Variants in RHEB observed in about 807,000 individuals in gnomAD.
RHEB encodes GTP-binding protein Rheb.
Under a neutral mutation model 28.8 loss-of-function variants are expected in RHEB, and 2 were observed. The observed-to-expected ratio is 0.07, with a 90% CI of 0.03 to 0.22. The LOEUF is 0.22. Ranked by LOEUF, RHEB falls within the 10% of genes least tolerant of loss-of-function variation. The pLI, the probability that RHEB is intolerant of heterozygous loss-of-function variation, is 1.00. For synonymous variants in RHEB, 69 were observed against 77.3 expected, an observed-to-expected ratio of 0.89 and a Z score of 0.56; for missense variants, 76 against 219.9, an observed-to-expected ratio of 0.35 and a Z score of 4.14.
intron 3 of RHEB, 132 bp downstream of exon 3, chr7:151,484,605 T>C (rs749977563): frequency 3.1e-5 from 20 of 640,272 alleles, no homozygotes; most frequent in South Asian, 1.4e-4. Flanking sequence ...AGCCAAACCA[T>C]TGGGAGTCAG....
rs575786438 is a variant in RHEB, at chr7:151,477,460, C to T, written c.193-45G>A. 2.8e-5 allele frequency: 32 copies of T among 1,125,352 alleles called. No homozygotes were observed. In the African/African-American group the frequency reaches 4.5e-4, roughly 16 times the overall value. The allele number at this position is 1,125,352 out of a possible 1,614,324, so 69.7% of individuals were successfully genotyped here. ...TCTTTGAGTAGTCTTCATATAGCAT[C>T]ACAAACAAACTTTACCCAAAGTTTT... On this transcript the variant is annotated intron_variant, in intron 3 of 7. Coordinates refer to ENST00000262187, the MANE Select transcript of RHEB (RefSeq NM_005614.4).
At chr7:151,480,951 G>A (rs990304729) in intron 3 of RHEB, among the ~76,000 whole-genome samples, 7 of 152,068 alleles carry the variant, frequency 4.6e-5, no homozygotes, top group Admixed American at 6.6e-5. Flanking sequence ...CCCAAAGTGC[G>A]GGGATTACAG....
chr7:151,487,096 G>C (rs1228468602), intron 2 of RHEB, among the ~76,000 whole-genome samples: 4 of 152,228 alleles, frequency 2.6e-5, no homozygotes, highest in Non-Finnish European at 4.4e-5. Context: ...TTGAGGCCTG[G>C]AGTTCAAGAC....
At position 151,467,363 on chromosome 7, in the gene RHEB, A is replaced by G. The variant is rs527268685; in HGVS notation, c.463-152T>C. Reference sequence around the variant, plus strand: ...AGCCCCAGAACTTCAGGGCCCCCCGACGCCCAGTAAGGCCACTGTCCACCC... The same window carrying G: ...AGCCCCAGAACTTCAGGGCCCCCCGGCGCCCAGTAAGGCCACTGTCCACCC... On this transcript the variant is annotated intron_variant, in intron 7 of 7. Coordinates refer to ENST00000262187, the MANE Select transcript of RHEB (RefSeq NM_005614.4). 60 of 632,432 alleles carry G rather than the reference A, an allele frequency of 9.5e-5. No individual in the cohort carries two copies. The African/African-American group carries it at 1.1e-3, about 11-fold the overall frequency. 39.2% of individuals were successfully genotyped at this position (632,432 alleles called of 1,614,324 possible). A position where few individuals can be genotyped will look rare whatever the true frequency, so the allele number is the denominator to read the frequency against.
Position 151,515,197 on chromosome 7 carries a change from T to C in RHEB, c.52+4263A>G, listed in dbSNP as rs958747417. On this transcript the variant is annotated intron_variant, in intron 1 of 7. Coordinates refer to ENST00000262187, the MANE Select transcript of RHEB (RefSeq NM_005614.4). ...GGAAGAAGCGACATATGCTACAACA[T>C]GAACGAACCTTGAAAACATTATACT... 2.6e-5 allele frequency among the ~76,000 whole-genome samples: 4 copies of C among 152,194 alleles called. No homozygotes were observed. In the East Asian group the frequency reaches 5.8e-4, roughly 22 times the overall value.
chr7:151,491,511 G>A (rs1370851069), intron 1 of RHEB, among the ~76,000 whole-genome samples: 2 of 152,162 alleles, frequency 1.3e-5, no homozygotes, highest in Non-Finnish European at 2.9e-5. Flanking sequence ...TGAGGCAGAC[G>A]GATCACCTGA....
Position 151,519,800 on chromosome 7 carries a change from C to A in RHEB, c.-289G>T, listed in dbSNP as rs1179866214. On this transcript the variant is annotated 5_prime_UTR_variant, in exon 1 of 8. Coordinates refer to ENST00000262187, the MANE Select transcript of RHEB (RefSeq NM_005614.4). The stretch of plus-strand genomic sequence containing the variant: ...CGCCCCCCGAAATACGCGGGGGGTG[C>A]GTCGGGGCGACGTTTTACTTTAAAG... 1 of 303,134 alleles carries A rather than the reference C, an allele frequency of 3.3e-6. No individual in the cohort carries two copies. Among genetic ancestry groups the A allele is most frequent in the African/African-American group, 2.2e-5 (1 of 45,580 alleles). The allele number at this position is 303,134 out of a possible 1,614,324, so 18.8% of individuals were successfully genotyped here.
At chr7:151,516,327 G>T (rs1180155734) in intron 1 of RHEB, among the ~76,000 whole-genome samples, 1 of 151,974 alleles carries the variant, frequency 6.6e-6, no homozygotes, top group Non-Finnish European at 1.5e-5. Context: ...AAAAGAAAAC[G>T]GAAAGCCAAG....
At chr7:151,495,857 G>A (rs1357479809) in intron 1 of RHEB, among the ~76,000 whole-genome samples, 5 of 152,226 alleles carry the variant, frequency 3.3e-5, no homozygotes, top group Non-Finnish European at 7.3e-5. Context: ...AGAAGCTGAT[G>A]TAGGAGGATC....
At chr7:151,497,909 G>A (rs1294678189) in intron 1 of RHEB, among the ~76,000 whole-genome samples, 3 of 152,132 alleles carry the variant, frequency 2.0e-5, no homozygotes, top group African/African-American at 7.2e-5. Flanking sequence ...TGGTATCTCT[G>A]AAATATTTAA....
At chr7:151,502,369 T>A (rs1802788228) in intron 1 of RHEB, 5 of 819,016 alleles carry the variant, frequency 6.1e-6, no homozygotes, top group Non-Finnish European at 1.1e-5. Flanking sequence ...CATCTAACAT[T>A]AAGGCAGGAG....
Position 151,487,339 on chromosome 7 carries a change from T to C in RHEB, c.125-2535A>G, listed in dbSNP as rs528594700. ...TAAATTATAAAATAAAGCCCAGAGCTGGGGGGAGAGGTTGCGGCTGAGAAT... is the reference window on the plus strand; with the variant it reads ...TAAATTATAAAATAAAGCCCAGAGCCGGGGGGAGAGGTTGCGGCTGAGAAT... On this transcript the variant is annotated intron_variant, in intron 2 of 7. Coordinates refer to ENST00000262187, the MANE Select transcript of RHEB (RefSeq NM_005614.4). Among the ~76,000 whole-genome samples, 32 of 152,136 alleles carry C rather than the reference T, an allele frequency of 2.1e-4. No individual in the cohort carries two copies. In the East Asian group the frequency reaches 6.0e-3, roughly 29 times the overall value.
chr7:151,506,175 G>T (rs1304359915), intron 1 of RHEB, among the ~76,000 whole-genome samples: 3 of 151,096 alleles, frequency 2.0e-5, no homozygotes, highest in Non-Finnish European at 4.4e-5. Context: ...TTTTTTAAAA[G>T]ATAATGCATT....
At chr7:151,483,319 G>A (rs962695436) in intron 3 of RHEB, among the ~76,000 whole-genome samples, 7 of 151,988 alleles carry the variant, frequency 4.6e-5, no homozygotes, top group African/African-American at 1.7e-4. Context: ...TATTATTCTG[G>A]GTCTACTCCA....
chr7:151,478,165 T>G (rs943836163), intron 3 of RHEB, among the ~76,000 whole-genome samples: 3 of 152,228 alleles, frequency 2.0e-5, no homozygotes, highest in African/African-American at 7.2e-5. Flanking sequence ...CTGATGTCAG[T>G]GCAGTTTTCA....
chr7:151,494,122 ATGGGC>A (rs1802633936), intron 1 of RHEB, among the ~76,000 whole-genome samples: 1 of 152,178 alleles, frequency 6.6e-6, no homozygotes, highest in African/African-American at 2.4e-5. Flanking sequence ...CCCTAAAGAT[ATGGGC>A]AAGAGTTACA....
At chr7:151,478,378 T>C (rs1261403623) in intron 3 of RHEB, among the ~76,000 whole-genome samples, 4 of 149,420 alleles carry the variant, frequency 2.7e-5, no homozygotes, top group African/African-American at 1.0e-4. Flanking sequence ...TATGGTAAAG[T>C]TCTTTAAAGA....
intron 7 of RHEB, among the ~76,000 whole-genome samples, chr7:151,467,681 G>A (rs1026306413): frequency 3.7e-4 from 56 of 152,210 alleles, no homozygotes; most frequent in African/African-American, 1.2e-3. Flanking sequence ...GAGATGCCAC[G>A]ATGCCAGCCT....
intron 1 of RHEB, among the ~76,000 whole-genome samples, chr7:151,513,051 C>A (rs994023131): frequency 6.6e-6 from 1 of 152,180 alleles, no homozygotes; most frequent in African/African-American, 2.4e-5. Flanking sequence ...TTCTACTTAA[C>A]AGTGTCCTTG....
Sources: gnomAD v4.1 joint callset for allele counts (sites outside exome capture counted in the v4.1 genomes callset) on GRCh38, gnomAD v4.1.1 for gene constraint, MANE v1.5 for transcripts, NCBI Gene and HGNC (gene_info 2026-07-23, HGNC 2026-07-21) for gene names.